Variants in BCAS3 observed in about 807,000 individuals in gnomAD.
The protein encoded by BCAS3 is BCAS3 microtubule associated cell migration factor, also known as BCAS4/BCAS3 fusion.
In BCAS3, 53 loss-of-function variants were observed where a neutral mutation model predicts 116.1. That is an observed-to-expected ratio of 0.46 (90% CI 0.37 to 0.57). The LOEUF (loss-of-function observed/expected upper bound fraction) is 0.57. BCAS3 is among the 20% of genes least tolerant of loss of function. BCAS3 has a pLI of 0.00. For synonymous variants in BCAS3, 391 were observed against 408.2 expected, an observed-to-expected ratio of 0.96 and a Z score of 0.51; for missense variants, 917 against 1,165.4, an observed-to-expected ratio of 0.79 and a Z score of 3.10.
chr17:61,139,502 T>C lies in BCAS3; in HGVS notation c.2425+54938T>C, dbSNP rs2076813622. On this transcript the variant is annotated intron_variant, in intron 22 of 23. Coordinates refer to ENST00000407086, the MANE Select transcript of BCAS3 (RefSeq NM_017679.5). This position sits in a 1 kb window ranked among gnomAD's most constrained non-coding sequence, Gnocchi z 4.7. Reference sequence around the variant, plus strand: ...CATCATCTGGGCTCAGTGCGGGCTTTGTTTATAGCAGAAGCCATAATGTAT... The same window carrying C: ...CATCATCTGGGCTCAGTGCGGGCTTCGTTTATAGCAGAAGCCATAATGTAT... 6.6e-6 allele frequency among the ~76,000 whole-genome samples: 1 copy of C among 152,242 alleles called. No individual in the cohort carries two copies. The highest frequency in any genetic ancestry group is 6.5e-5 in the Admixed American group (1 of 15,290).
chr17:61,354,852 T>C lies in BCAS3; in HGVS notation c.2426-13475T>C, dbSNP rs2058058999. ...ACTACCAAAATAACAAAGCTAAAAA[T>C]GGGTCAGGTATCAAACGGGTCAACT... On this transcript the variant is annotated intron_variant, in intron 22 of 23. Transcript: ENST00000407086. The surrounding 1 kb of genome is among the most constrained non-coding windows in gnomAD (Gnocchi z 4.5). 2 of 152,324 alleles carry C rather than the reference T, an allele frequency of 1.3e-5. No homozygotes were observed. The highest frequency in any genetic ancestry group is 4.8e-5 in the African/African-American group (2 of 41,554). 9.4% of individuals were successfully genotyped at this position (152,324 alleles called of 1,614,324 possible).
chr17:61,292,184 G>A (rs938705106), intron 22 of BCAS3, among the ~76,000 whole-genome samples: 10 of 152,010 alleles, frequency 6.6e-5, no homozygotes, highest in African/African-American at 2.4e-4. Context: ...ACGCCTTCAG[G>A]GGATAGATTC....
chr17:61,078,582 G>A, intron 21 of BCAS3, 53 bp downstream of exon 21: 2 of 1,448,302 alleles, frequency 1.4e-6, no homozygotes, highest in Non-Finnish European at 1.9e-6. Context: ...ATATGTTCGT[G>A]TGAAATGAGC....
chr17:61,289,878 A>G (rs1472327312), intron 22 of BCAS3, among the ~76,000 whole-genome samples: 2 of 152,366 alleles, frequency 1.3e-5, no homozygotes, highest in Admixed American at 6.5e-5. Context: ...GAAGAGAGGT[A>G]TAAAGGTCTG....
At chr17:61,328,715 C>T (rs1226839646) in intron 22 of BCAS3, among the ~76,000 whole-genome samples, 1 of 152,010 alleles carries the variant, frequency 6.6e-6, no homozygotes, top group East Asian at 1.9e-4. Context: ...GCAGTGAGCC[C>T]TGATTGTGCT....
intron 2 of BCAS3, among the ~76,000 whole-genome samples, chr17:60,681,017 A>T (rs999973222): frequency 6.6e-6 from 1 of 152,150 alleles, no homozygotes; most frequent in Admixed American, 6.6e-5. Context: ...CAGCCTGAAC[A>T]ACATCCTGAG....
At chr17:60,941,173 C>T (rs1308691001) in intron 13 of BCAS3, among the ~76,000 whole-genome samples, 1 of 152,166 alleles carries the variant, frequency 6.6e-6, no homozygotes, top group Non-Finnish European at 1.5e-5. Flanking sequence ...TACAGAAGTG[C>T]CTAAACAGCT....
Position 61,119,520 on chromosome 17 carries a change from G to C in BCAS3, c.2425+34956G>C, listed in dbSNP as rs146992524. On this transcript the variant is annotated intron_variant, in intron 22 of 23. Coordinates refer to ENST00000407086, the MANE Select transcript of BCAS3 (RefSeq NM_017679.5). ...ATTCTGAGATAACTAGAAATAGAAA[G>C]ATGTCTTCTTTAAATAATAAATAAT... 2.2e-3 allele frequency among the ~76,000 whole-genome samples: 332 copies of C among 152,130 alleles called. 2 individuals are homozygous for C. Among genetic ancestry groups the C allele is most frequent in the Non-Finnish European group, 3.8e-3 (259 of 67,960 alleles).
chr17:60,887,343 C>T (rs1378247520), intron 9 of BCAS3: 2 of 152,310 alleles, frequency 1.3e-5, no homozygotes, highest in African/African-American at 4.9e-5. Context: ...TGACCTGCGC[C>T]CACTGTCTGG....
intron 18 of BCAS3, 138 bp downstream of exon 18, chr17:61,038,192 C>T (rs1485204723): frequency 4.2e-6 from 3 of 721,374 alleles, no homozygotes; most frequent in Middle Eastern, 3.6e-4. Context: ...AAATACATCA[C>T]TCTCAAATGT....
intron 4 of BCAS3, among the ~76,000 whole-genome samples, chr17:60,692,958 T>C (rs1203342609): frequency 6.6e-6 from 1 of 151,738 alleles, no homozygotes. Flanking sequence ...TTATCTGACC[T>C]TAGGAGAAAT....
chr17:60,929,191 G>T (rs912060125), intron 13 of BCAS3, among the ~76,000 whole-genome samples: 12 of 152,148 alleles, frequency 7.9e-5, no homozygotes, highest in South Asian at 2.1e-4. Context: ...AGGCTGAGAT[G>T]GGGGGACCAA....
chr17:61,068,514 G>A lies in BCAS3; in HGVS notation c.2030-6406G>A, dbSNP rs1424337338. On this transcript the variant is annotated intron_variant, in intron 19 of 23. Coordinates refer to ENST00000407086, the MANE Select transcript of BCAS3 (RefSeq NM_017679.5). The surrounding 1 kb of genome is among the most constrained non-coding windows in gnomAD (Gnocchi z 4.3). Reference sequence around the variant, plus strand: ...TCTGGACTATGTCCATATTATTCTTGTACATGTATGAAACATTCTTCTCCT... The same window carrying A: ...TCTGGACTATGTCCATATTATTCTTATACATGTATGAAACATTCTTCTCCT... Among the ~76,000 whole-genome samples, 1 of 152,124 alleles carries A rather than the reference G, an allele frequency of 6.6e-6. No homozygotes were observed. The highest frequency in any genetic ancestry group is 1.5e-5 in the Non-Finnish European group (1 of 68,020).
rs1600692303 is a variant in BCAS3 at position 61,041,005 on chromosome 17, G to T, written c.2029+113G>T. 3.7e-6 allele frequency: 3 copies of T among 818,606 alleles called. No individual in the cohort carries two copies. Among genetic ancestry groups the T allele is most frequent in the East Asian group, 5.0e-5 (2 of 40,162 alleles). The allele number at this position is 818,606 out of a possible 1,614,324, so 50.7% of individuals were successfully genotyped here. A position where few individuals can be genotyped will look rare whatever the true frequency, so the allele number is the denominator to read the frequency against. On this transcript the variant is annotated intron_variant, in intron 19 of 23. Coordinates refer to ENST00000407086, the MANE Select transcript of BCAS3 (RefSeq NM_017679.5). The surrounding 1 kb of genome is among the most constrained non-coding windows in gnomAD (Gnocchi z 4.7). ...TGGTCCATAGGCCATGGGCCTTAAA[G>T]AATCAGTTTGAGGCAAATAAGATAT...
chr17:61,176,581 A>T lies in BCAS3; in HGVS notation c.2425+92017A>T, dbSNP rs143809977. Among the ~76,000 whole-genome samples the T allele has an allele frequency of 8.6e-5, 13 of 150,914 alleles. 1 individual carries two copies. The highest frequency in any genetic ancestry group is 6.6e-4 in the Admixed American group (10 of 15,112). ...TTTATTTATTTATGTATTTAGAGAG[A>T]TGGTCTTGCTGTGTCACCCAGGCTG... is the stretch of plus-strand genomic sequence containing the variant. On this transcript the variant is annotated intron_variant, in intron 22 of 23. Coordinates refer to ENST00000407086, the MANE Select transcript of BCAS3 (RefSeq NM_017679.5).
At chr17:60,814,604 C>T (rs1234832932) in intron 7 of BCAS3, among the ~76,000 whole-genome samples, 1 of 151,976 alleles carries the variant, frequency 6.6e-6, no homozygotes, top group African/African-American at 2.4e-5. Context: ...TTAAGAGAGT[C>T]TTTGTGTTAG....
chr17:60,715,964 G>A (rs2038554470), intron 5 of BCAS3, among the ~76,000 whole-genome samples: 1 of 152,072 alleles, frequency 6.6e-6, no homozygotes, highest in South Asian at 2.1e-4. Flanking sequence ...CCAGTTTCAA[G>A]CAGTTCTCCT....
rs1369962176 is a variant in BCAS3, at chr17:60,993,786, A to G, written c.1486+3551A>G. Among the ~76,000 whole-genome samples the G allele has an allele frequency of 6.6e-6, 1 of 152,196 alleles. No homozygotes were observed. Among genetic ancestry groups the G allele is most frequent in the East Asian group, 1.9e-4 (1 of 5,196 alleles). On this transcript the variant is annotated intron_variant, in intron 15 of 23. Transcript: ENST00000407086. This position sits in a 1 kb window ranked among gnomAD's most constrained non-coding sequence, Gnocchi z 4.2. ...TGTCTGTGCTCTTTTTAGCCAAGTA[A>G]AGGAAACTGTTAAATAACAGTTGAT...
chr17:60,811,172 G>T (rs567883135), intron 7 of BCAS3: 234 of 653,698 alleles, frequency 3.6e-4, no homozygotes, highest in Non-Finnish European at 5.6e-5. Context: ...CTGCAGATGG[G>T]GCAGATCCTG....
Sources: allele counts gnomAD v4.1 joint callset (sites outside exome capture counted in the v4.1 genomes callset), GRCh38; gene constraint gnomAD v4.1.1; non-coding constraint Gnocchi (gnomAD v3.1); transcripts MANE v1.5; gene names NCBI Gene and HGNC (gene_info 2026-07-23, HGNC 2026-07-21).